The following PRAMEF33 variants were observed in gnomAD, a reference collection of about 807,000 sequenced individuals.
The protein encoded by PRAMEF33 is PRAME family member 10-like.
Under a neutral mutation model 28.1 loss-of-function variants are expected in PRAMEF33, and 5 were observed. That is an observed-to-expected ratio of 0.18 (90% confidence interval 0.09 to 0.37). The LOEUF (loss-of-function observed/expected upper bound fraction) is 0.37. Ranked by LOEUF, PRAMEF33 falls within the 10% of genes least tolerant of loss-of-function variation. The probability of loss-of-function intolerance (pLI) is 1.00; values close to 1 mark genes in which losing one functional copy is unlikely to be tolerated. For missense variants in PRAMEF33, 62 were observed against 471.1 expected (o/e 0.13, Z 8.04); for synonymous variants, 28 against 183.2 (o/e 0.15, Z 6.84).
chr1:13,305,734 T>C (rs1211537589), intron 1 of PRAMEF33, 196 bp from the exon 2 acceptor site: 1 of 577,372 alleles, frequency 1.7e-6, no homozygotes, highest in African/African-American at 2.2e-5. Context: ...TTGCCTGCTC[T>C]TTAGAGGTTG....
intron 1 of PRAMEF33, chr1:13,304,146 TCAAACTC>T (rs1308338491): frequency 6.6e-6 from 1 of 151,222 alleles, no homozygotes; most frequent in Non-Finnish European, 1.5e-5. Flanking sequence ...CAAGTTGGTC[TCAAACTC>T]CTGACCTCAA....
In PRAMEF33 at chr1:13,305,951, C is replaced by G. The variant is rs1388106753; in HGVS notation, c.-4C>G. 2 of 1,610,046 alleles carry G rather than the reference C, an allele frequency of 1.2e-6. No individual in the cohort carries two copies. Among genetic ancestry groups the G allele is most frequent in the African/African-American group, 2.7e-5 (2 of 74,854 alleles). On this transcript the variant is annotated 5_prime_UTR_variant, in exon 2 of 4. Transcript: ENST00000437300. ...CTAGAGTTTTTCCTCGGAGATTTGT[C>G]AGAATGAGCCTCCAGGCCCCATCCA...
At position 13,305,939 on chromosome 1, in the gene PRAMEF33, TC is replaced by T. The variant is rs1639854847; in HGVS notation, c.-15del. ...CTTGATTGTCCTCTAGAGTTTTTCC[TC>T]GGAGATTTGTCAGAATGAGCCTCCA... is the stretch of plus-strand genomic sequence containing the variant. On this transcript the variant is annotated 5_prime_UTR_variant, in exon 2 of 4. Coordinates refer to ENST00000437300, the MANE Select transcript of PRAMEF33 (RefSeq NM_001291381.1). 2 of 1,610,288 alleles carry T rather than the reference TC, an allele frequency of 1.2e-6. No homozygotes were observed. The highest frequency in any genetic ancestry group is 2.7e-5 in the African/African-American group (2 of 74,862).
Position 13,308,759 on chromosome 1 carries a change from A to T in PRAMEF33, c.1297A>T (p.Ile433Phe). ...GHVNWEILTPIRAELMRTLRE... is the reference protein window; with the variant it reads ...GHVNWEILTPFRAELMRTLRE... ...TGTCAATTGGGAGATCCTCACCCCAATTCGGGCTGAGCTGATGCGTACACT... is the reference window on the plus strand; with the variant it reads ...TGTCAATTGGGAGATCCTCACCCCATTTCGGGCTGAGCTGATGCGTACACT... The change falls in exon 4 of 4, where the codon ATT (isoleucine) becomes TTT (phenylalanine). Residue 433 changes from isoleucine to phenylalanine, a missense_variant. Transcript: ENST00000437300. 1.3e-6 allele frequency: 2 copies of T among 1,556,896 alleles called. No homozygotes were observed. Among genetic ancestry groups the T allele is most frequent in the Non-Finnish European group, 1.8e-6 (2 of 1,141,550 alleles).
Position 13,306,588 on chromosome 1 carries a change from G to T in PRAMEF33, c.288-50G>T. On this transcript the variant is annotated intron_variant, in intron 2 of 3. Coordinates refer to ENST00000437300, the MANE Select transcript of PRAMEF33 (RefSeq NM_001291381.1). ...GGATGTGGAGTGAAAGCTCAGGTCAGGGGTGGGTCCTTGCCTACATTCTGA... is the reference window on the plus strand; with the variant it reads ...GGATGTGGAGTGAAAGCTCAGGTCATGGGTGGGTCCTTGCCTACATTCTGA... 4 of 819,400 alleles carry T rather than the reference G, an allele frequency of 4.9e-6. 1 individual carries two copies. In the South Asian group the frequency reaches 6.5e-5, roughly 13 times the overall value. The allele number at this position is 819,400 out of a possible 1,614,324, so 50.8% of individuals were successfully genotyped here.
At chr1:13,304,643 AC>A (rs1639841429) in intron 1 of PRAMEF33, 22 of 59,456 alleles carry the variant, frequency 3.7e-4, no homozygotes, top group Admixed American at 7.4e-4. Flanking sequence ...AGCTACCCCG[AC>A]ACGAAAAAAA....
At chr1:13,304,337 A>G (rs1392950925) in intron 1 of PRAMEF33, 2 of 146,138 alleles carry the variant, frequency 1.4e-5, no homozygotes, top group Non-Finnish European at 3.0e-5. Flanking sequence ...CAGAAGATTG[A>G]GGCTGCAGTG....
At position 13,306,615 on chromosome 1, in the gene PRAMEF33, C is replaced by A. The variant is rs1385551996; in HGVS notation, c.288-23C>A. Reference sequence around the variant, plus strand: ...GGTGGGTCCTTGCCTACATTCTGAGCTTTTCCCCTATGTTACTCATAGGAG... The same window carrying A: ...GGTGGGTCCTTGCCTACATTCTGAGATTTTCCCCTATGTTACTCATAGGAG... On this transcript the variant is annotated intron_variant, in intron 2 of 3. Transcript: ENST00000437300. The A allele has an allele frequency of 2.0e-6, 2 of 1,023,374 alleles. 1 individual carries two copies. 63.4% of individuals were successfully genotyped at this position (1,023,374 alleles called of 1,614,324 possible). A position where few individuals can be genotyped will look rare whatever the true frequency, so the allele number is the denominator to read the frequency against.
chr1:13,304,273 T>C (rs1639836610), intron 1 of PRAMEF33: 1 of 148,140 alleles, frequency 6.8e-6, no homozygotes, highest in Non-Finnish European at 1.5e-5. Flanking sequence ...CATGGTAGCA[T>C]GCATCTGTCT....
chr1:13,305,631 ATG>A (rs1639850416), intron 1 of PRAMEF33: 3 of 300,076 alleles, frequency 1.0e-5, no homozygotes, highest in African/African-American at 7.9e-5. Context: ...TTAGCTGGGC[ATG>A]AGATCCGAGC....
Position 13,308,844 on chromosome 1 carries a change from G to C in PRAMEF33, c.1382G>C (p.Gly461Ala). Reference protein sequence around the residue: ...FFGPVPCPTCGSWPSEKVDFH... With the variant: ...FFGPVPCPTCASWPSEKVDFH... ...GGTCCCGTCCCTTGCCCTACCTGTG[G>C]CTCATGGCCATCTGAGAAAGTGGAC... The change falls in exon 4 of 4, where the codon GGC becomes GCC. Residue 461 changes from glycine to alanine, a missense_variant. Gly to Ala is a moderately conservative substitution (Grantham distance 60). Coordinates refer to ENST00000437300, the MANE Select transcript of PRAMEF33 (RefSeq NM_001291381.1). 16 of 1,605,008 alleles carry C rather than the reference G, an allele frequency of 1.0e-5. No individual in the cohort carries two copies. The highest frequency in any genetic ancestry group is 1.4e-5 in the African/African-American group (1 of 73,534).
Position 13,306,780 on chromosome 1 carries a change from C to A in PRAMEF33, c.430C>A (p.His144Asn). 2 of 1,413,978 alleles carry A rather than the reference C, an allele frequency of 1.4e-6. 1 individual carries two copies. Among genetic ancestry groups the A allele is most frequent in the Non-Finnish European group, 1.9e-6 (2 of 1,035,018 alleles). 87.6% of individuals were successfully genotyped at this position (1,413,978 alleles called of 1,614,324 possible). A position where few individuals can be genotyped will look rare whatever the true frequency, so the allele number is the denominator to read the frequency against. The part of the protein sequence containing the change: ...TVEDCPRMGE[H>N]QPLKVFIDLC... The stretch of plus-strand genomic sequence containing the variant: ...GGAGGACTGTCCAAGGATGGGAGAG[C>A]ACCAGCCCTTGAAGGTGTTCATAGA... The change falls in exon 3 of 4, where the codon CAC becomes AAC. Residue 144 changes from histidine to asparagine, a missense_variant. His to Asn is a moderately conservative substitution (Grantham distance 68, BLOSUM62 1). Transcript: ENST00000437300.
At chr1:13,304,094 C>G (rs1324566338) in intron 1 of PRAMEF33, 1 of 151,060 alleles carries the variant, frequency 6.6e-6, no homozygotes, top group East Asian at 1.9e-4. Flanking sequence ...TGCCTGGCTA[C>G]TTTTTGTATT....
At chr1:13,305,580 G>C in intron 1 of PRAMEF33, 1 of 191,248 alleles carries the variant, frequency 5.2e-6, no homozygotes, top group Non-Finnish European at 1.0e-5. Flanking sequence ...GGACAACATA[G>C]TGAAACCCAC....
At chr1:13,306,585 T>C (rs1639867039) in intron 2 of PRAMEF33, 53 bp from the exon 3 acceptor site, 1 of 795,966 alleles carries the variant, frequency 1.3e-6, no homozygotes, top group South Asian at 1.7e-5. Context: ...AAAGCTCAGG[T>C]CAGGGGTGGG....
intron 1 of PRAMEF33, chr1:13,304,226 G>A (rs1639835797): frequency 6.6e-6 from 1 of 150,400 alleles, no homozygotes; most frequent in African/African-American, 2.5e-5. Context: ...CTGGTGCTTG[G>A]CCTCTACAAA....
rs1639828627 is a variant in PRAMEF33, at chr1:13,303,542, G to GTTCT, written c.-68_-65dup. The GTTCT allele has an allele frequency of 2.4e-5, 1 of 41,832 alleles. No individual in the cohort carries two copies. The highest frequency in any genetic ancestry group is 6.0e-5 in the Non-Finnish European group (1 of 16,594). 2.6% of individuals were successfully genotyped at this position (41,832 alleles called of 1,614,324 possible). A position where few individuals can be genotyped will look rare whatever the true frequency, so the allele number is the denominator to read the frequency against. On this transcript the variant is annotated 5_prime_UTR_variant, in exon 1 of 4. Coordinates refer to ENST00000437300, the MANE Select transcript of PRAMEF33 (RefSeq NM_001291381.1). ...TCTTCAAGTCTGGAGTTCCTGCTTA[G>GTTCT]TTCTTCCTGAGGTCTGAGCACCCTC...
chr1:13,308,770 G>A lies in PRAMEF33; in HGVS notation c.1308G>A (p.Glu436=). 1 of 1,595,346 alleles carries A rather than the reference G, an allele frequency of 6.3e-7. No individual in the cohort carries two copies. Among genetic ancestry groups the A allele is most frequent in the Non-Finnish European group, 8.5e-7 (1 of 1,171,912 alleles). Residue 436 remains glutamate (E), a synonymous_variant, in exon 4 of 4, where the codon GAG becomes GAA. Transcript: ENST00000437300. ...NWEILTPIRA[E]LMRTLREVRQ... ...AGATCCTCACCCCAATTCGGGCTGA[G>A]CTGATGCGTACACTCAGGGAAGTCA...
chr1:13,308,104 TGA>T (rs1344175257), intron 3 of PRAMEF33: 1 of 453,688 alleles, frequency 2.2e-6, no homozygotes, highest in Non-Finnish European at 4.3e-6. Context: ...CTGAATGATC[TGA>T]GTCTTCATCA....
Sources: allele counts gnomAD v4.1 joint callset, GRCh38; gene constraint gnomAD v4.1.1; transcripts MANE v1.5; gene names NCBI Gene and HGNC (gene_info 2026-07-23, HGNC 2026-07-21).